GPC5: variants seen among roughly 807,000 people sequenced by gnomAD.
GPC5 encodes glypican-5.
Under a neutral mutation model 53.9 loss-of-function variants are expected in GPC5, and 47 were observed. That is an observed-to-expected ratio of 0.87 (90% CI 0.69 to 1.11). The LOEUF is 1.11. GPC5 is among the 50% of genes most tolerant of loss of function. The pLI, the probability that GPC5 is intolerant of heterozygous loss-of-function variation, is 0.00. For missense variants in GPC5, 748 were observed against 713.1 expected (o/e 1.05, Z -0.56); for synonymous variants, 286 against 263.3 (o/e 1.09, Z -0.84).
intron 6 of GPC5, among the ~76,000 whole-genome samples, chr13:91,958,527 T>G (rs1228880141): frequency 1.3e-5 from 2 of 152,082 alleles, no homozygotes; most frequent in Non-Finnish European, 2.9e-5. Flanking sequence ...TTAAACTTCA[T>G]GGACCTAACA....
intron 7 of GPC5, among the ~76,000 whole-genome samples, chr13:92,395,907 GT>G (rs71123404): frequency 0.015 from 1,982 of 130,552 alleles, 35 homozygotes; most frequent in African/African-American, 0.046. Context: ...GTTTGTTTCT[GT>G]TTTTTTTTTT....
intron 7 of GPC5, among the ~76,000 whole-genome samples, chr13:92,738,638 C>G (rs1335068822): frequency 6.6e-6 from 1 of 151,946 alleles, no homozygotes; most frequent in Non-Finnish European, 1.5e-5. Flanking sequence ...TTGATAAGAC[C>G]AACTCTTGAT....
At chr13:91,597,766 T>C (rs1179872643) in intron 2 of GPC5, among the ~76,000 whole-genome samples, 1 of 152,114 alleles carries the variant, frequency 6.6e-6, no homozygotes, top group East Asian at 1.9e-4. Flanking sequence ...AAATGGGGCA[T>C]ATTCCTTATG....
At chr13:92,320,324 G>C (rs1200543954) in intron 7 of GPC5, among the ~76,000 whole-genome samples, 1 of 152,084 alleles carries the variant, frequency 6.6e-6, no homozygotes, top group Non-Finnish European at 1.5e-5. Context: ...CCAAGTATCA[G>C]CCATTGTGTT....
At chr13:91,779,796 A>G (rs1165789273) in intron 5 of GPC5, among the ~76,000 whole-genome samples, 1 of 152,190 alleles carries the variant, frequency 6.6e-6, no homozygotes, top group Non-Finnish European at 1.5e-5. Context: ...CTGCAGGGAA[A>G]GTCACATGCA....
chr13:92,487,403 G>T (rs976403724), intron 7 of GPC5, among the ~76,000 whole-genome samples: 1 of 152,126 alleles, frequency 6.6e-6, no homozygotes, highest in Non-Finnish European at 1.5e-5. Flanking sequence ...GACTATTGCT[G>T]TTCTTAGTTG....
intron 7 of GPC5, among the ~76,000 whole-genome samples, chr13:92,528,669 G>A (rs1459133814): frequency 1.1e-4 from 17 of 151,932 alleles, no homozygotes; most frequent in Non-Finnish European, 1.5e-5. Flanking sequence ...CTAAGGAAAG[G>A]AACTTTTGGA....
intron 7 of GPC5, among the ~76,000 whole-genome samples, chr13:92,401,119 T>A (rs1297436520): frequency 6.6e-6 from 1 of 152,060 alleles, no homozygotes; most frequent in Non-Finnish European, 1.5e-5. Flanking sequence ...AATTGGCCAA[T>A]AATTTATACA....
At chr13:92,502,228 C>G (rs977243630) in intron 7 of GPC5, among the ~76,000 whole-genome samples, 5 of 151,576 alleles carry the variant, frequency 3.3e-5, no homozygotes, top group Non-Finnish European at 5.9e-5. Flanking sequence ...TGAGATACAG[C>G]TGAATGTGCA....
At chr13:91,658,508 A>T (rs1001473178) in intron 2 of GPC5, among the ~76,000 whole-genome samples, 1 of 152,208 alleles carries the variant, frequency 6.6e-6, no homozygotes, top group East Asian at 1.9e-4. Context: ...TTTCAATCCA[A>T]TTAGGCACCC....
At chr13:91,724,177 A>G (rs1265535786) in intron 3 of GPC5, among the ~76,000 whole-genome samples, 1 of 152,242 alleles carries the variant, frequency 6.6e-6, no homozygotes, top group Non-Finnish European at 1.5e-5. Flanking sequence ...TAATATAATG[A>G]TATGAGTTAT....
intron 7 of GPC5, among the ~76,000 whole-genome samples, chr13:92,164,884 A>G (rs544259683): frequency 5.9e-5 from 9 of 152,324 alleles, no homozygotes; most frequent in African/African-American, 2.2e-4. Flanking sequence ...CTATGCATCC[A>G]CAGGCTCAAC....
chr13:91,963,382 A>T (rs1361282373), intron 6 of GPC5, among the ~76,000 whole-genome samples: 2 of 152,130 alleles, frequency 1.3e-5, no homozygotes, highest in African/African-American at 4.8e-5. Flanking sequence ...ATTTGCACAT[A>T]TTTCTACATG....
At chr13:91,672,783 G>A (rs139635638) in intron 2 of GPC5, among the ~76,000 whole-genome samples, 1,770 of 152,240 alleles carry the variant, frequency 0.012, 42 homozygotes, top group African/African-American at 0.039. Context: ...ACATGCATAC[G>A]TATGTTTATT....
At chr13:92,600,697 G>A (rs1160121136) in intron 7 of GPC5, among the ~76,000 whole-genome samples, 1 of 147,540 alleles carries the variant, frequency 6.8e-6, no homozygotes, top group Non-Finnish European at 1.5e-5. Context: ...ACTAGAGATG[G>A]GGTTTCACCC....
intron 6 of GPC5, among the ~76,000 whole-genome samples, chr13:92,094,510 G>A (rs9742988): frequency 0.075 from 6,496 of 87,050 alleles, 547 homozygotes; most frequent in African/African-American, 0.25. Flanking sequence ...GAAAGAGCAA[G>A]ACTCCGTCTC....
Position 91,398,790 on chromosome 13 carries a change from C to A in GPC5, c.-257C>A, listed in dbSNP as rs1256746162. 4.8e-6 allele frequency: 2 copies of A among 420,296 alleles called. No individual in the cohort carries two copies. The highest frequency in any genetic ancestry group is 7.5e-5 in the East Asian group (2 of 26,826). The allele number at this position is 420,296 out of a possible 1,614,324, so 26.0% of individuals were successfully genotyped here. A position where few individuals can be genotyped will look rare whatever the true frequency, so the allele number is the denominator to read the frequency against. ...ACTAGTTTTCTTCGCCCCGCCCAGC[C>A]GCCCACTCTTCTCGGCTAGGGAAGA... is the stretch of plus-strand genomic sequence containing the variant. On this transcript the variant is annotated 5_prime_UTR_variant, in exon 1 of 8. Coordinates refer to ENST00000377067, the MANE Select transcript of GPC5 (RefSeq NM_004466.6).
chr13:91,878,360 T>A (rs2138944535), intron 5 of GPC5, among the ~76,000 whole-genome samples: 1 of 152,342 alleles, frequency 6.6e-6, no homozygotes, highest in Middle Eastern at 3.4e-3. Context: ...GTATTCATTC[T>A]TTTGATCAAA....
chr13:91,832,938 A>T (rs2038679555), intron 5 of GPC5, among the ~76,000 whole-genome samples: 1 of 152,182 alleles, frequency 6.6e-6, no homozygotes, highest in African/African-American at 2.4e-5. Context: ...CCTTCAAAAA[A>T]ATCAATGAAT....
Sources: allele counts gnomAD v4.1 joint callset (sites outside exome capture counted in the v4.1 genomes callset), GRCh38; gene constraint gnomAD v4.1.1; transcripts MANE v1.5; gene names NCBI Gene and HGNC (gene_info 2026-07-23, HGNC 2026-07-21).